The following CEP128 variants were observed in gnomAD, a reference collection of about 807,000 sequenced individuals.
The protein encoded by CEP128 is centrosomal protein 128kDa.
CEP128 carries 132 observed loss-of-function variants against 156.7 expected under a neutral mutation model. The observed-to-expected ratio is 0.84, with a 90% CI of 0.73 to 0.97. The LOEUF (loss-of-function observed/expected upper bound fraction) is 0.97. Ranked by LOEUF, CEP128 falls within the 50% of genes least tolerant of loss-of-function variation. The pLI, the probability that CEP128 is intolerant of heterozygous loss-of-function variation, is 0.00. For missense variants in CEP128, 1,252 were observed against 1,281.9 expected, an observed-to-expected ratio of 0.98 and a Z score of 0.36; for synonymous variants, 469 against 448.9, an observed-to-expected ratio of 1.04 and a Z score of -0.57.
intron 19 of CEP128, among the ~76,000 whole-genome samples, chr14:80,661,327 T>G (rs983176026): frequency 2.0e-5 from 3 of 152,166 alleles, no homozygotes; most frequent in Non-Finnish European, 4.4e-5. Context: ...ATTAATTTCA[T>G]TGCTGGATCA....
intron 8 of CEP128, among the ~76,000 whole-genome samples, chr14:80,863,927 C>T (rs987138582): frequency 2.6e-5 from 4 of 152,210 alleles, no homozygotes; most frequent in Admixed American, 6.5e-5. Context: ...TTTACTTAGG[C>T]AGAGCAGAAG....
In CEP128 at chr14:80,496,802, G is replaced by A. The variant is rs1472940143; in HGVS notation, c.*677C>T. ...ACAGTAGGATATTTGGCCACAAAAA[G>A]ACAAATAAATAAATTGTGCTATGAA... On this transcript the variant is annotated 3_prime_UTR_variant, in exon 25 of 25. Coordinates refer to ENST00000555265, the MANE Select transcript of CEP128 (RefSeq NM_152446.5). 1 of 152,104 alleles carries A rather than the reference G, an allele frequency of 6.6e-6. No individual in the cohort carries two copies. Among genetic ancestry groups the A allele is most frequent in the Admixed American group, 6.6e-5 (1 of 15,258 alleles). 9.4% of individuals were successfully genotyped at this position (152,104 alleles called of 1,614,324 possible).
At chr14:80,849,141 C>T (rs1232354932) in intron 9 of CEP128, among the ~76,000 whole-genome samples, 1 of 151,888 alleles carries the variant, frequency 6.6e-6, no homozygotes, top group African/African-American at 2.4e-5. Flanking sequence ...GTGTAAAGAA[C>T]AGGAGAAAAG....
chr14:80,831,667 AT>A (rs904635178), intron 12 of CEP128, among the ~76,000 whole-genome samples: 5 of 151,504 alleles, frequency 3.3e-5, no homozygotes, highest in Non-Finnish European at 2.9e-5. Flanking sequence ...TCTACAAAAT[AT>A]TTTTTTTGCA....
At chr14:80,503,106 GA>G (rs1887812075) in intron 24 of CEP128, among the ~76,000 whole-genome samples, 1 of 151,936 alleles carries the variant, frequency 6.6e-6, no homozygotes, top group African/African-American at 2.4e-5. Context: ...TTGTACACAA[GA>G]AAAATAGTAA....
At chr14:80,903,496 A>G (rs1002119102) in intron 6 of CEP128, among the ~76,000 whole-genome samples, 1 of 152,166 alleles carries the variant, frequency 6.6e-6, no homozygotes, top group Non-Finnish European at 1.5e-5. Flanking sequence ...AAAAACAGGC[A>G]AATGAGATCA....
At chr14:80,637,244 C>T (rs1458531097) in intron 19 of CEP128, among the ~76,000 whole-genome samples, 1 of 152,118 alleles carries the variant, frequency 6.6e-6, no homozygotes, top group Non-Finnish European at 1.5e-5. Flanking sequence ...ATACCCATAT[C>T]CCTGGAGCCA....
intron 23 of CEP128, among the ~76,000 whole-genome samples, chr14:80,516,567 C>T (rs142719795): frequency 2.6e-5 from 4 of 152,254 alleles, no homozygotes; most frequent in Non-Finnish European, 5.9e-5. Flanking sequence ...TATTGAGAAT[C>T]CCACAGTGCT....
chr14:80,745,487 A>G (rs1465955158), intron 18 of CEP128, among the ~76,000 whole-genome samples: 1 of 152,222 alleles, frequency 6.6e-6, no homozygotes, highest in Non-Finnish European at 1.5e-5. Flanking sequence ...ATATTAATAC[A>G]ATTAGGGACA....
rs567268244 is a variant in CEP128 at position 80,836,782 on chromosome 14, A to C, written c.925-445T>G. ...AATAAGTATGTAATAGATGCTGTTGAATAAACTCTAAACTCCTTGAAGTCA... is the reference window on the plus strand; with the variant it reads ...AATAAGTATGTAATAGATGCTGTTGCATAAACTCTAAACTCCTTGAAGTCA... On this transcript the variant is annotated intron_variant, in intron 11 of 24. Coordinates refer to ENST00000555265, the MANE Select transcript of CEP128 (RefSeq NM_152446.5). 2.0e-5 allele frequency among the ~76,000 whole-genome samples: 3 copies of C among 152,332 alleles called. No homozygotes were observed. The South Asian group carries it at 6.2e-4, about 32-fold the overall frequency.
chr14:80,597,489 A>G (rs1304807055), intron 19 of CEP128, among the ~76,000 whole-genome samples: 1 of 152,154 alleles, frequency 6.6e-6, no homozygotes, highest in Non-Finnish European at 1.5e-5. Flanking sequence ...CTTTTACCAA[A>G]TGTTCAAAGA....
intron 14 of CEP128, among the ~76,000 whole-genome samples, chr14:80,484,441 T>C (rs761442627): frequency 6.6e-6 from 1 of 152,222 alleles, no homozygotes; most frequent in Non-Finnish European, 1.5e-5. Context: ...ACACAAATTA[T>C]AGGTAACTTG....
At chr14:80,614,471 G>T (rs1169244763) in intron 19 of CEP128, among the ~76,000 whole-genome samples, 1 of 151,690 alleles carries the variant, frequency 6.6e-6, no homozygotes, top group Non-Finnish European at 1.5e-5. Context: ...CCCTTCTATG[G>T]CTACATCTCA....
chr14:80,744,159 G>A (rs973711705), intron 18 of CEP128, among the ~76,000 whole-genome samples: 5 of 152,014 alleles, frequency 3.3e-5, no homozygotes, highest in Non-Finnish European at 7.4e-5. Flanking sequence ...ACTGACATGA[G>A]TGACCACACC....
chr14:80,635,301 C>A (rs1441503299), intron 19 of CEP128, among the ~76,000 whole-genome samples: 4 of 151,992 alleles, frequency 2.6e-5, no homozygotes, highest in African/African-American at 9.7e-5. Flanking sequence ...GAGAATAGAC[C>A]CCACACACAG....
intron 8 of CEP128, among the ~76,000 whole-genome samples, chr14:80,876,968 A>C (rs117820255): frequency 0.047 from 7,231 of 152,340 alleles, 190 homozygotes; most frequent in Middle Eastern, 0.068. Flanking sequence ...CCTTTATTGC[A>C]TAAAATAATA....
At chr14:80,584,012 T>C (rs937818750) in intron 19 of CEP128, among the ~76,000 whole-genome samples, 3 of 152,194 alleles carry the variant, frequency 2.0e-5, no homozygotes, top group Non-Finnish European at 4.4e-5. Context: ...CTCTGTCTAA[T>C]CATGCTCTCA....
At chr14:80,887,172 A>C (rs1888849097) in intron 8 of CEP128, among the ~76,000 whole-genome samples, 1 of 152,212 alleles carries the variant, frequency 6.6e-6, no homozygotes, top group Non-Finnish European at 1.5e-5. Flanking sequence ...CCCACACAAT[A>C]ATAGTGGGAG....
intron 2 of CEP128, among the ~76,000 whole-genome samples, chr14:80,922,011 A>G (rs573523584): frequency 6.6e-6 from 1 of 152,280 alleles, no homozygotes; most frequent in Admixed American, 6.5e-5. Flanking sequence ...AATGATTTGC[A>G]TTAATATACA....
Sources: allele counts gnomAD v4.1 joint callset (sites outside exome capture counted in the v4.1 genomes callset), GRCh38; gene constraint gnomAD v4.1.1; transcripts MANE v1.5; gene names NCBI Gene and HGNC (gene_info 2026-07-23, HGNC 2026-07-21).